ASRGL1: variants seen among roughly 807,000 people sequenced by gnomAD.
ASRGL1 encodes the protein isoaspartyl peptidase/L-asparaginase.
A neutral mutation model predicts 22.4 loss-of-function variants in ASRGL1; 16 were observed. The observed-to-expected ratio is 0.71, with a 90% CI of 0.48 to 1.08. The LOEUF is 1.08. ASRGL1 is among the 50% of genes least tolerant of loss of function. ASRGL1 has a pLI of 0.00. For synonymous variants in ASRGL1, 165 were observed against 159.3 expected (o/e 1.04, Z -0.27); for missense variants, 412 against 410.1 (o/e 1.00, Z -0.04).
At chr11:62,390,101 G>A (rs961911063) in intron 5 of ASRGL1, among the ~76,000 whole-genome samples, 2 of 152,196 alleles carry the variant, frequency 1.3e-5, no homozygotes, top group African/African-American at 4.8e-5. Flanking sequence ...ATGTGAAGTA[G>A]TCTACCTTTC....
At position 62,392,439 on chromosome 11, in the gene ASRGL1, G is replaced by C. The variant is rs965268589; in HGVS notation, c.*155G>C. ...TAAGCATCTGAATGTTTGGTTGTGG[G>C]GCGGGTTCTGAAGCGATGAGAGAAA... On this transcript the variant is annotated 3_prime_UTR_variant, in exon 7 of 7. Coordinates refer to ENST00000415229, the MANE Select transcript of ASRGL1 (RefSeq NM_001083926.2). 4.3e-6 allele frequency: 4 copies of C among 926,414 alleles called. No individual in the cohort carries two copies. The African/African-American group carries it at 6.6e-5, about 15-fold the overall frequency. The allele number at this position is 926,414 out of a possible 1,614,324, so 57.4% of individuals were successfully genotyped here.
At chr11:62,389,061 A>T in intron 4 of ASRGL1, 72 bp from the exon 5 acceptor site, 1 of 1,322,568 alleles carries the variant, frequency 7.6e-7, no homozygotes, top group Non-Finnish European at 1.1e-6. Context: ...AAGTGGTTTT[A>T]AGGTACATTG....
At chr11:62,397,195 A>G (rs1947441769), downstream of ASRGL1, among the ~76,000 whole-genome samples, 1 of 152,040 alleles carries the variant, frequency 6.6e-6, no homozygotes, top group Non-Finnish European at 1.5e-5. Flanking sequence ...ACGCCCAGCT[A>G]ATTTTTGTAT....
intron 2 of ASRGL1, among the ~76,000 whole-genome samples, chr11:62,346,640 G>A (rs551966877): frequency 1.3e-5 from 2 of 152,248 alleles, no homozygotes; most frequent in South Asian, 4.1e-4. Context: ...TGTCTTAAAC[G>A]ATAAATGATC....
chr11:62,354,602 G>A (rs771325056), intron 2 of ASRGL1, among the ~76,000 whole-genome samples: 7 of 152,110 alleles, frequency 4.6e-5, no homozygotes, highest in Admixed American at 6.6e-5. Context: ...CTTGGTATTC[G>A]AGACGGCTGC....
the ASRGL1 span, among the ~76,000 whole-genome samples, chr11:62,400,133 G>A: frequency 6.6e-6 from 1 of 152,182 alleles, no homozygotes; most frequent in African/African-American, 2.4e-5. Flanking sequence ...CCATAGGCCA[G>A]CCCCTCCTGG....
chr11:62,354,094 A>G (rs1264356163), intron 2 of ASRGL1, among the ~76,000 whole-genome samples: 3 of 152,248 alleles, frequency 2.0e-5, no homozygotes, highest in Non-Finnish European at 4.4e-5. Context: ...TAAGTGTTTA[A>G]TATGCAATAC....
chr11:62,345,722 C>T (rs1342725382), intron 2 of ASRGL1, among the ~76,000 whole-genome samples: 1 of 152,104 alleles, frequency 6.6e-6, no homozygotes, highest in Non-Finnish European at 1.5e-5. Context: ...TTTATGTTTA[C>T]CAATTTATTA....
intron 4 of ASRGL1, among the ~76,000 whole-genome samples, chr11:62,377,947 A>G (rs1946969941): frequency 6.6e-6 from 1 of 152,086 alleles, no homozygotes; most frequent in Admixed American, 6.6e-5. Context: ...TAAGGGATCT[A>G]TTCTATTTAT....
chr11:62,385,714 A>G (rs1170621670), intron 4 of ASRGL1, among the ~76,000 whole-genome samples: 1 of 151,778 alleles, frequency 6.6e-6, no homozygotes, highest in Non-Finnish European at 1.5e-5. Context: ...AAAATACAAA[A>G]TTAGTCGGGC....
At chr11:62,373,334 A>G (rs1946825322) in intron 4 of ASRGL1, among the ~76,000 whole-genome samples, 1 of 152,134 alleles carries the variant, frequency 6.6e-6, no homozygotes, top group Admixed American at 6.5e-5. Flanking sequence ...AAGTGATCCA[A>G]CGTTAACTAC....
chr11:62,399,403 G>A, the ASRGL1 span, among the ~76,000 whole-genome samples: 1 of 152,184 alleles, frequency 6.6e-6, no homozygotes, highest in African/African-American at 2.4e-5. Flanking sequence ...CAGATCTTCT[G>A]CTGTTGTTCT....
At chr11:62,400,726 C>T in the ASRGL1 span, among the ~76,000 whole-genome samples, 1 of 152,200 alleles carries the variant, frequency 6.6e-6, no homozygotes, top group Non-Finnish European at 1.5e-5. Context: ...TTACCCGCGT[C>T]ACACAGCAGG....
intron 4 of ASRGL1, among the ~76,000 whole-genome samples, chr11:62,364,051 C>T (rs1217954406): frequency 2.0e-5 from 3 of 148,924 alleles, no homozygotes; most frequent in African/African-American, 7.4e-5. Flanking sequence ...CCCAGCTTCT[C>T]GGGAGGCTGA....
Position 62,391,509 on chromosome 11 carries a change from C to A in ASRGL1, c.611-13C>A, listed in dbSNP as rs762947924. The A allele has an allele frequency of 6.2e-7, 1 of 1,603,926 alleles. No homozygotes were observed. The highest frequency in any genetic ancestry group is 1.3e-5 in the African/African-American group (1 of 74,704). ...GACTGTTACTGCTCAGAACAATCACCCTTTTTGAGCAGGAGCTGGAGGTTA... is the reference window on the plus strand; with the variant it reads ...GACTGTTACTGCTCAGAACAATCACACTTTTTGAGCAGGAGCTGGAGGTTA... On this transcript the variant is annotated splice_polypyrimidine_tract_variant and intron_variant, in intron 5 of 6. Transcript: ENST00000415229.
chr11:62,383,832 G>A (rs1947134380), intron 4 of ASRGL1, among the ~76,000 whole-genome samples: 1 of 149,072 alleles, frequency 6.7e-6, no homozygotes, highest in African/African-American at 2.5e-5. Flanking sequence ...GCTGAGGCAG[G>A]AGAACTGCTA....
Position 62,391,585 on chromosome 11 carries a change from T to C in ASRGL1, c.674T>C (p.Ile225Thr). The change falls in exon 6 of 7, where the codon ATC (isoleucine) becomes ACC (threonine). Residue 225 changes from isoleucine (I) to threonine (T), a missense_variant. Physicochemically the swap from Ile to Thr is moderately conservative, Grantham distance 89 (BLOSUM62 -1). Coordinates refer to ENST00000415229, the MANE Select transcript of ASRGL1 (RefSeq NM_001083926.2). The stretch of plus-strand genomic sequence containing the variant: ...TCAACCACAGGGCATGGGGAAAGCA[T>C]CCTGAAGGTGAACCTGGCTAGACTC... ...AVSTTGHGES[I>T]LKVNLARLTL... 1.2e-6 allele frequency: 2 copies of C among 1,612,654 alleles called. No homozygotes were observed. Among genetic ancestry groups the C allele is most frequent in the Non-Finnish European group, 1.7e-6 (2 of 1,179,440 alleles).
intron 2 of ASRGL1, among the ~76,000 whole-genome samples, chr11:62,348,178 T>C (rs559611702): frequency 6.6e-6 from 1 of 152,192 alleles, no homozygotes; most frequent in Non-Finnish European, 1.5e-5. Flanking sequence ...TCCATGGATT[T>C]TGATATTGTA....
intron 4 of ASRGL1, among the ~76,000 whole-genome samples, chr11:62,378,246 C>T (rs1239284378): frequency 6.6e-6 from 1 of 152,114 alleles, no homozygotes; most frequent in Non-Finnish European, 1.5e-5. Flanking sequence ...AGGTTTGAAT[C>T]TTATCAGATG....
Sources: gnomAD v4.1 joint callset for allele counts (sites outside exome capture counted in the v4.1 genomes callset) on GRCh38, gnomAD v4.1.1 for gene constraint, MANE v1.5 for transcripts, NCBI Gene and HGNC (gene_info 2026-07-23, HGNC 2026-07-21) for gene names.